The following NBEA variants were observed in gnomAD, a reference collection of about 807,000 sequenced individuals.
The protein encoded by NBEA is lysosomal-trafficking regulator 2.
A neutral mutation model predicts 343.4 loss-of-function variants in NBEA; 44 were observed. The ratio of observed to expected loss-of-function variants is 0.13; its 90% confidence interval spans 0.10 to 0.16. NBEA has a LOEUF of 0.16. Ranked by LOEUF, NBEA falls within the 10% of genes least tolerant of loss-of-function variation. The probability of loss-of-function intolerance (pLI) is 1.00; values close to 1 mark genes in which losing one functional copy is unlikely to be tolerated. For missense variants in NBEA, 2,555 were observed against 3,631.3 expected (o/e 0.70, Z 7.62); for synonymous variants, 1,175 against 1,238.7 (o/e 0.95, Z 1.08).
intron 1 of NBEA, among the ~76,000 whole-genome samples, chr13:34,980,145 TTTG>T (rs975201704): frequency 3.3e-5 from 5 of 152,058 alleles, no homozygotes; most frequent in African/African-American, 7.2e-5. Context: ...AGTTTTCCAA[TTTG>T]TTGTTGTTGT....
At chr13:35,525,982 C>T (rs763378792) in intron 41 of NBEA, among the ~76,000 whole-genome samples, 5 of 152,134 alleles carry the variant, frequency 3.3e-5, no homozygotes, top group Non-Finnish European at 7.4e-5. Context: ...CACGAACGTT[C>T]GGACCATAGC....
intron 34 of NBEA, among the ~76,000 whole-genome samples, chr13:35,261,956 A>G (rs2033252820): frequency 6.6e-6 from 1 of 152,232 alleles, no homozygotes; most frequent in South Asian, 2.1e-4. Flanking sequence ...TTAAACAGCA[A>G]AATTTCAAAA....
intron 38 of NBEA, among the ~76,000 whole-genome samples, chr13:35,383,913 G>A (rs955779737): frequency 2.0e-5 from 3 of 152,010 alleles, no homozygotes; most frequent in African/African-American, 4.8e-5. Context: ...TAAATGTATA[G>A]TTTCTTCTAT....
At chr13:34,969,762 A>G (rs1262293282) in intron 1 of NBEA, among the ~76,000 whole-genome samples, 2 of 151,276 alleles carry the variant, frequency 1.3e-5, no homozygotes, top group Admixed American at 6.6e-5. Context: ...CATGCTGTAT[A>G]TATACCACGT....
chr13:35,137,368 C>T (rs917330588), intron 17 of NBEA, among the ~76,000 whole-genome samples: 6 of 151,080 alleles, frequency 4.0e-5, no homozygotes, highest in South Asian at 2.1e-4. Flanking sequence ...GAGAATGGCC[C>T]GAATGCAGGA....
intron 38 of NBEA, among the ~76,000 whole-genome samples, chr13:35,364,847 C>T (rs999901409): frequency 1.3e-5 from 2 of 151,624 alleles, no homozygotes; most frequent in Non-Finnish European, 3.0e-5. Flanking sequence ...TAAAAGAATC[C>T]CATCTCAAAG....
chr13:35,203,776 T>A (rs1319946890), intron 31 of NBEA, among the ~76,000 whole-genome samples: 2 of 152,166 alleles, frequency 1.3e-5, no homozygotes, highest in African/African-American at 2.4e-5. Context: ...TTTTATCAAG[T>A]GAATTAGATT....
At chr13:35,661,653 G>A (rs2085095932) in intron 55 of NBEA, among the ~76,000 whole-genome samples, 1 of 152,154 alleles carries the variant, frequency 6.6e-6, no homozygotes, top group Admixed American at 6.5e-5. Flanking sequence ...AGGGACTCCT[G>A]ACCGATACCG....
intron 1 of NBEA, 131 bp downstream of exon 1, chr13:34,943,245 C>T (rs1203461424): frequency 8.1e-7 from 1 of 1,233,360 alleles, no homozygotes. Flanking sequence ...AGCGTTCAGC[C>T]GGTATTGCCC....
intron 38 of NBEA, among the ~76,000 whole-genome samples, chr13:35,394,156 TG>T (rs1220900510): frequency 6.6e-6 from 1 of 152,180 alleles, no homozygotes; most frequent in South Asian, 2.1e-4. Flanking sequence ...TACTTCTTTT[TG>T]CTCCCAATCA....
chr13:35,093,971 A>G (rs1036582177), intron 10 of NBEA, among the ~76,000 whole-genome samples: 3 of 151,768 alleles, frequency 2.0e-5, no homozygotes, highest in Non-Finnish European at 4.4e-5. Flanking sequence ...GTTACATACT[A>G]TATACTAATA....
intron 36 of NBEA, among the ~76,000 whole-genome samples, chr13:35,347,619 C>T (rs558489456): frequency 6.6e-6 from 1 of 151,998 alleles, no homozygotes; most frequent in East Asian, 1.9e-4. Context: ...TTAATTGACA[C>T]AGTGAAAAAC....
At chr13:34,947,531 T>C (rs573009155) in intron 1 of NBEA, among the ~76,000 whole-genome samples, 1 of 152,268 alleles carries the variant, frequency 6.6e-6, no homozygotes, top group African/African-American at 2.4e-5. Flanking sequence ...TTGTTATGCA[T>C]TAGTTCCAGG....
chr13:35,423,672 T>C (rs1301543843), intron 38 of NBEA, among the ~76,000 whole-genome samples: 1 of 152,178 alleles, frequency 6.6e-6, no homozygotes, highest in Non-Finnish European at 1.5e-5. Context: ...AGTAGTTTTT[T>C]CCAATTCTGT....
At chr13:35,281,660 G>A (rs2035059375) in intron 34 of NBEA, among the ~76,000 whole-genome samples, 1 of 151,798 alleles carries the variant, frequency 6.6e-6, no homozygotes, top group Non-Finnish European at 1.5e-5. Flanking sequence ...CATTTTACAT[G>A]ATATATTATT....
At chr13:35,396,973 C>T (rs1286136265) in intron 38 of NBEA, among the ~76,000 whole-genome samples, 3 of 152,140 alleles carry the variant, frequency 2.0e-5, no homozygotes, top group African/African-American at 7.2e-5. Flanking sequence ...CTATGCACTA[C>T]CAGTGTCTTC....
At chr13:35,360,196 A>G (rs2040732316) in intron 38 of NBEA, among the ~76,000 whole-genome samples, 1 of 152,022 alleles carries the variant, frequency 6.6e-6, no homozygotes, top group African/African-American at 2.4e-5. Context: ...AAAACTAGCC[A>G]TTAGAATAAT....
intron 1 of NBEA, among the ~76,000 whole-genome samples, chr13:34,990,911 A>T (rs1364607065): frequency 6.6e-6 from 1 of 152,234 alleles, no homozygotes; most frequent in East Asian, 1.9e-4. Flanking sequence ...TTCTTCTGCC[A>T]GATATCTTAA....
At chr13:35,532,293 T>C (rs1233736017) in intron 41 of NBEA, among the ~76,000 whole-genome samples, 1 of 152,154 alleles carries the variant, frequency 6.6e-6, no homozygotes, top group Non-Finnish European at 1.5e-5. Context: ...GAAAAGTACC[T>C]TTCAGGGAAA....
Sources: gnomAD v4.1 joint callset for allele counts (sites outside exome capture counted in the v4.1 genomes callset) on GRCh38, gnomAD v4.1.1 for gene constraint, MANE v1.5 for transcripts, NCBI Gene and HGNC (gene_info 2026-07-23, HGNC 2026-07-21) for gene names.